ANK2: variants seen among roughly 807,000 people sequenced by gnomAD.
ANK2 encodes the protein ankyrin-2.
Under a neutral mutation model 360.5 loss-of-function variants are expected in ANK2, and 83 were observed. The observed-to-expected ratio is 0.23, with a 90% CI of 0.19 to 0.28. ANK2 has a LOEUF of 0.28. Ranked by LOEUF, ANK2 falls within the 10% of genes least tolerant of loss-of-function variation. The pLI, the probability that ANK2 is intolerant of heterozygous loss-of-function variation, is 1.00. For missense variants in ANK2, 4,201 were observed against 4,795.7 expected (o/e 0.88, Z 3.66); for synonymous variants, 1,740 against 1,759.5 (o/e 0.99, Z 0.28).
intron 2 of ANK2, among the ~76,000 whole-genome samples, chr4:113,178,551 G>A (rs1190206543): frequency 3.6e-5 from 5 of 140,614 alleles, no homozygotes; most frequent in African/African-American, 8.0e-5. Flanking sequence ...TAGCCTGCGC[G>A]ATAGAGTGAG....
intron 22 of ANK2, among the ~76,000 whole-genome samples, chr4:113,294,772 G>C (rs1486269342): frequency 6.6e-6 from 1 of 152,126 alleles, no homozygotes; most frequent in East Asian, 1.9e-4. Flanking sequence ...AAGATTTAAG[G>C]TATAGCTTTG....
At chr4:112,883,225 G>C (rs2150481224) in intron 1 of ANK2, among the ~76,000 whole-genome samples, 1 of 151,782 alleles carries the variant, frequency 6.6e-6, no homozygotes, top group African/African-American at 2.4e-5. Context: ...TTTTAGTAGA[G>C]ATGAGGTTTT....
intron 1 of ANK2, among the ~76,000 whole-genome samples, chr4:113,133,047 C>T (rs1357389216): frequency 6.6e-6 from 1 of 152,152 alleles, no homozygotes. Flanking sequence ...TAATTCTCTT[C>T]ACTGACACCA....
At chr4:112,974,847 GA>G (rs766021382) in intron 2 of ANK2, among the ~76,000 whole-genome samples, 3,243 of 124,152 alleles carry the variant, frequency 0.026, 60 homozygotes, top group African/African-American at 0.061. Context: ...TATAGAAAAA[GA>G]AAAAAAAAAA....
At chr4:113,264,551 A>C (rs1471810534) in intron 13 of ANK2, among the ~76,000 whole-genome samples, 1 of 152,068 alleles carries the variant, frequency 6.6e-6, no homozygotes, top group African/African-American at 2.4e-5. Flanking sequence ...CCTTATAAAG[A>C]TGGAGAAGAA....
the ANK2 span, among the ~76,000 whole-genome samples, chr4:112,710,512 A>G: frequency 1.2e-4 from 18 of 152,248 alleles, no homozygotes; most frequent in African/African-American, 4.3e-4. Flanking sequence ...CCTGGCCAAC[A>G]TGGTGAAACC....
At chr4:113,205,235 CAAA>C (rs369993364) in intron 4 of ANK2, among the ~76,000 whole-genome samples, 1 of 64,022 alleles carries the variant, frequency 1.6e-5, no homozygotes, top group African/African-American at 6.7e-5. Flanking sequence ...GACTCCGTCT[CAAA>C]AAAAAAAAAA....
chr4:113,353,425 G>C lies in ANK2; in HGVS notation c.4807G>C (p.Ala1603Pro). ...TGTCAGTGATGAGGAAATAGAAGAG[G>C]CTAGGCAAAAAGCACCTTTAGAAAT... ...VIVSDEEIEE[A>P]RQKAPLEITE... Residue 1603 changes from alanine (A) to proline (P), a missense_variant, in exon 38 of 46, where the codon GCT becomes CCT. Around this residue, in one of 4 missense-constraint regions of ANK2, gnomAD observed 1,268 missense variants for 1,650.8 expected, o/e 0.77. Coordinates refer to ENST00000357077, the MANE Select transcript of ANK2 (RefSeq NM_001148.6). 2 of 1,614,016 alleles carry C rather than the reference G, an allele frequency of 1.2e-6. No homozygotes were observed. The highest frequency in any genetic ancestry group is 1.1e-5 in the South Asian group (1 of 91,078).
intron 2 of ANK2, among the ~76,000 whole-genome samples, chr4:112,958,098 C>A (rs1349300225): frequency 1.3e-5 from 2 of 150,886 alleles, no homozygotes; most frequent in Non-Finnish European, 3.0e-5. Flanking sequence ...AGAGACGCTC[C>A]TCACTTTCCA....
At chr4:112,738,213 C>G in the ANK2 span, among the ~76,000 whole-genome samples, 1 of 152,032 alleles carries the variant, frequency 6.6e-6, no homozygotes, top group East Asian at 1.9e-4. Context: ...AGTTCGAGAC[C>G]AGCCTAGCCA....
At chr4:113,323,798 A>G (rs2087934496) in intron 26 of ANK2, 1 of 1,611,060 alleles carries the variant, frequency 6.2e-7, no homozygotes, top group Admixed American at 1.7e-5. Context: ...ACAGCAGGTG[A>G]ACTACTGCAT....
intron 4 of ANK2, among the ~76,000 whole-genome samples, chr4:113,218,452 A>C (rs1025225060): frequency 2.7e-5 from 1 of 36,510 alleles, no homozygotes; most frequent in Non-Finnish European, 6.6e-5. Flanking sequence ...TTAAATGACC[A>C]AAAAAAAAAA....
chr4:113,002,264 T>C (rs1289855732), intron 2 of ANK2, among the ~76,000 whole-genome samples: 1 of 152,114 alleles, frequency 6.6e-6, no homozygotes, highest in Non-Finnish European at 1.5e-5. Context: ...CATGCACACG[T>C]ATGTTTATTG....
rs143059998 is a variant in ANK2, at chr4:112,922,601, C to G, written c.21+18087C>G. Reference sequence around the variant, plus strand: ...TGCTAGGAAATATTTGTGATAGTAGCATAGACTGTTTAGCCTTGTGTGACA... The same window carrying G: ...TGCTAGGAAATATTTGTGATAGTAGGATAGACTGTTTAGCCTTGTGTGACA... On this transcript the variant is annotated intron_variant, in intron 2 of 30. Coordinates refer to the ANK2 transcript ENST00000503271. Among the ~76,000 whole-genome samples the G allele has an allele frequency of 5.1e-3, 777 of 152,230 alleles. 4 individuals carry two copies. Among genetic ancestry groups the G allele is most frequent in the African/African-American group, 0.017 (691 of 41,554 alleles).
chr4:112,731,211 A>G, the ANK2 span, among the ~76,000 whole-genome samples: 1 of 148,172 alleles, frequency 6.7e-6, no homozygotes, highest in Non-Finnish European at 1.5e-5. Flanking sequence ...GGATTGCTTG[A>G]GCCTGGGAGG....
intron 1 of ANK2, among the ~76,000 whole-genome samples, chr4:113,142,834 T>C (rs557229991): frequency 1.3e-5 from 2 of 152,260 alleles, no homozygotes; most frequent in African/African-American, 4.8e-5. Flanking sequence ...CTCAGTGGTT[T>C]TTTCGTTCTT....
At chr4:112,936,384 C>T (rs1309680934) in intron 2 of ANK2, among the ~76,000 whole-genome samples, 2 of 150,758 alleles carry the variant, frequency 1.3e-5, no homozygotes, top group African/African-American at 4.9e-5. Context: ...CCCACTCTGT[C>T]ACCCAGGCTG....
At chr4:112,928,208 G>T (rs1176303206) in intron 2 of ANK2, among the ~76,000 whole-genome samples, 1 of 152,040 alleles carries the variant, frequency 6.6e-6, no homozygotes, top group Non-Finnish European at 1.5e-5. Flanking sequence ...CATTAAAGTG[G>T]TTGCTTTATT....
intron 37 of ANK2, among the ~76,000 whole-genome samples, chr4:113,352,345 T>C (rs573292926): frequency 5.3e-5 from 8 of 152,194 alleles, no homozygotes; most frequent in Non-Finnish European, 1.0e-4. Context: ...ATTCTGTGTC[T>C]AAACAAGGAG....
Sources: allele counts gnomAD v4.1 joint callset (sites outside exome capture counted in the v4.1 genomes callset), GRCh38; gene constraint gnomAD v4.1.1; regional missense constraint gnomAD v4.1.1; transcripts MANE v1.5; gene names NCBI Gene and HGNC (gene_info 2026-07-23, HGNC 2026-07-21).